PTPRN2: variants seen among roughly 807,000 people sequenced by gnomAD.
PTPRN2 encodes the protein receptor-type tyrosine-protein phosphatase N2.
In PTPRN2, 74 loss-of-function variants were observed where a neutral mutation model predicts 118.8. That is an observed-to-expected ratio of 0.62 (90% CI 0.52 to 0.76). The LOEUF (loss-of-function observed/expected upper bound fraction) is 0.76, where lower values mean the gene tolerates loss of function less well. PTPRN2 is among the 30% of genes least tolerant of loss of function. PTPRN2 has a pLI of 0.00. For missense variants in PTPRN2, 1,481 were observed against 1,394.4 expected, an observed-to-expected ratio of 1.06 and a Z score of -0.99; for synonymous variants, 641 against 608.0, an observed-to-expected ratio of 1.05 and a Z score of -0.80.
intron 3 of PTPRN2, among the ~76,000 whole-genome samples, chr7:158,275,254 C>T (rs1471806163): frequency 6.6e-6 from 1 of 152,118 alleles, no homozygotes; most frequent in Non-Finnish European, 1.5e-5. Context: ...GACGTTGGCC[C>T]AGGTGCCTGC....
intron 5 of PTPRN2, among the ~76,000 whole-genome samples, chr7:158,170,495 T>G (rs1823439630): frequency 6.6e-6 from 1 of 152,230 alleles, no homozygotes; most frequent in Non-Finnish European, 1.5e-5. Flanking sequence ...TAGACTTGGA[T>G]AAACAATCTA....
intron 22 of PTPRN2, among the ~76,000 whole-genome samples, chr7:157,542,041 G>A (rs992296394): frequency 8.5e-5 from 13 of 152,190 alleles, no homozygotes; most frequent in Admixed American, 5.2e-4. Flanking sequence ...CCGGGGAGAT[G>A]TGTCTGCCTG....
chr7:158,494,990 G>A (rs185596752), intron 1 of PTPRN2, among the ~76,000 whole-genome samples: 44 of 152,190 alleles, frequency 2.9e-4, no homozygotes, highest in African/African-American at 8.9e-4. Context: ...ATCCGACCCT[G>A]TTACTGTCAG....
intron 1 of PTPRN2, among the ~76,000 whole-genome samples, chr7:158,506,188 C>T (rs189666448): frequency 1.7e-4 from 26 of 152,334 alleles, no homozygotes; most frequent in Admixed American, 1.4e-3. Context: ...GCTTCGGCGT[C>T]GGACAACCCC....
chr7:157,792,494 C>T (rs76321853), intron 12 of PTPRN2, among the ~76,000 whole-genome samples: 8 of 152,190 alleles, frequency 5.3e-5, no homozygotes, highest in Non-Finnish European at 1.0e-4. Context: ...GCCTTCAGCT[C>T]GAGGGTGTGT....
chr7:158,089,201 G>A (rs1332826708), intron 10 of PTPRN2, among the ~76,000 whole-genome samples: 1 of 32,356 alleles, frequency 3.1e-5, no homozygotes, highest in African/African-American at 6.7e-5. Flanking sequence ...TGAGGAAAGG[G>A]GGAGTCTTCA....
At chr7:158,582,640 T>G (rs559833275) in intron 1 of PTPRN2, among the ~76,000 whole-genome samples, 1 of 151,988 alleles carries the variant, frequency 6.6e-6, no homozygotes, top group Non-Finnish European at 1.5e-5. Flanking sequence ...AGACAAAACT[T>G]TTTTAAATTA....
At chr7:158,372,909 C>T (rs888791827) in intron 2 of PTPRN2, among the ~76,000 whole-genome samples, 8 of 152,210 alleles carry the variant, frequency 5.3e-5, no homozygotes, top group Non-Finnish European at 8.8e-5. Flanking sequence ...CATAGGGCTG[C>T]TAAGACTCCC....
intron 2 of PTPRN2, among the ~76,000 whole-genome samples, chr7:158,336,863 G>GGTGACAC: frequency 9.8e-6 from 1 of 101,566 alleles, no homozygotes; most frequent in African/African-American, 3.4e-5. Flanking sequence ...CACCATAAGA[G>GGTGACAC]CTGTCGCCCG....
intron 6 of PTPRN2, among the ~76,000 whole-genome samples, chr7:158,153,393 G>A (rs1406056638): frequency 1.3e-5 from 2 of 152,166 alleles, no homozygotes; most frequent in Non-Finnish European, 2.9e-5. Context: ...CCTATAGACG[G>A]CAAAATTAAA....
At chr7:157,701,046 C>T (rs1798042916) in intron 12 of PTPRN2, among the ~76,000 whole-genome samples, 2 of 152,252 alleles carry the variant, frequency 1.3e-5, no homozygotes, top group Admixed American at 6.5e-5. Flanking sequence ...GTCAGCATGA[C>T]AGCAGCGGCT....
At chr7:158,000,413 C>T (rs1425051469) in intron 11 of PTPRN2, among the ~76,000 whole-genome samples, 1 of 152,010 alleles carries the variant, frequency 6.6e-6, no homozygotes, top group Non-Finnish European at 1.5e-5. Flanking sequence ...TGGAATCACC[C>T]AACACGTGAA....
Position 157,598,085 on chromosome 7 carries a change from G to T in PTPRN2, c.2419-2770C>A, listed in dbSNP as rs1034623979. 6.6e-6 allele frequency among the ~76,000 whole-genome samples: 1 copy of T among 152,150 alleles called. No individual in the cohort carries two copies. The highest frequency in any genetic ancestry group is 1.5e-5 in the Non-Finnish European group (1 of 68,038). ...AGATTTTACTACATTTAAGGTTTTC[G>T]GGCAGGATAAGTGGCTGTGGAGGAA... On this transcript the variant is annotated intron_variant, in intron 16 of 22. Transcript: ENST00000389418. This position sits in a 1 kb window ranked among gnomAD's most constrained non-coding sequence, Gnocchi z 5.2.
intron 12 of PTPRN2, among the ~76,000 whole-genome samples, chr7:157,843,333 A>T (rs144907500): frequency 6.6e-6 from 1 of 152,376 alleles, no homozygotes; most frequent in African/African-American, 2.4e-5. Context: ...TGAGGTGTGT[A>T]TAATTACAAG....
At chr7:158,068,778 C>A (rs1219427836) in intron 11 of PTPRN2, among the ~76,000 whole-genome samples, 1 of 152,184 alleles carries the variant, frequency 6.6e-6, no homozygotes, top group East Asian at 1.9e-4. Flanking sequence ...CCATTTTATA[C>A]CACATGAGGA....
At chr7:158,066,996 G>A (rs1810825620) in intron 11 of PTPRN2, among the ~76,000 whole-genome samples, 1 of 152,178 alleles carries the variant, frequency 6.6e-6, no homozygotes, top group African/African-American at 2.4e-5. Flanking sequence ...GTAGTTATAG[G>A]TTGAAAGGTT....
intron 13 of PTPRN2, among the ~76,000 whole-genome samples, chr7:157,660,463 A>G (rs1392462773): frequency 1.3e-5 from 2 of 152,220 alleles, no homozygotes; most frequent in African/African-American, 4.8e-5. Context: ...AAAGTCACCA[A>G]TAGCAAACAA....
chr7:157,584,363 T>C (rs1277048086), intron 17 of PTPRN2, among the ~76,000 whole-genome samples: 1 of 152,158 alleles, frequency 6.6e-6, no homozygotes, highest in Non-Finnish European at 1.5e-5. Context: ...CTACCCTCCA[T>C]GGCATCTAAC....
chr7:158,478,590 T>C (rs1820434447), intron 2 of PTPRN2, among the ~76,000 whole-genome samples: 1 of 152,172 alleles, frequency 6.6e-6, no homozygotes. Context: ...AACGCATCCC[T>C]GAGCTGGACC....
Sources: gnomAD v4.1 joint callset for allele counts (sites outside exome capture counted in the v4.1 genomes callset) on GRCh38, gnomAD v4.1.1 for gene constraint, Gnocchi (gnomAD v3.1) non-coding constraint, MANE v1.5 for transcripts, NCBI Gene and HGNC (gene_info 2026-07-23, HGNC 2026-07-21) for gene names.